Variants in GRAMD1B observed in about 807,000 individuals in gnomAD.
GRAMD1B encodes GRAM domain containing 1B.
GRAMD1B carries 37 observed loss-of-function variants against 99.7 expected under a neutral mutation model. The ratio of observed to expected loss-of-function variants is 0.37; its 90% CI spans 0.29 to 0.49. The LOEUF (loss-of-function observed/expected upper bound fraction) is 0.49, where lower values mean the gene tolerates loss of function less well. Among genes scored for constraint, GRAMD1B ranks in the 20% least tolerant of loss-of-function variants. GRAMD1B has a pLI of 0.98. For synonymous variants in GRAMD1B, 427 were observed against 387.6 expected (o/e 1.10, Z -1.19); for missense variants, 888 against 1,009.2 (o/e 0.88, Z 1.63).
chr11:123,409,411 G>A (rs982165801), intron 1 of GRAMD1B, among the ~76,000 whole-genome samples: 5 of 152,172 alleles, frequency 3.3e-5, no homozygotes, highest in Non-Finnish European at 7.3e-5. Context: ...CTGTGCCGCA[G>A]TCATCTCATC....
rs774671669 is a variant in GRAMD1B, at chr11:123,560,339, T to TGTAAGGC, written c.453-17026_453-17020dup. 2.7e-4 allele frequency: 310 copies of TGTAAGGC among 1,165,018 alleles called. 1 individual carries two copies. Among genetic ancestry groups the TGTAAGGC allele is most frequent in the Non-Finnish European group, 3.2e-4 (298 of 929,004 alleles). 72.2% of individuals were successfully genotyped at this position (1,165,018 alleles called of 1,614,324 possible). A position where few individuals can be genotyped will look rare whatever the true frequency, so the allele number is the denominator to read the frequency against. On this transcript the variant is annotated intron_variant, in intron 2 of 19. Transcript: ENST00000635736. ...CCAGGCAGAGAGAGAGAGGGACTTC[T>TGTAAGGC]GTAAGGCGGCACGACCACACCAAAT...
At chr11:123,365,326 A>G (rs891110855) in intron 1 of GRAMD1B, among the ~76,000 whole-genome samples, 1 of 151,330 alleles carries the variant, frequency 6.6e-6, no homozygotes, top group South Asian at 2.1e-4. Flanking sequence ...ATCTCAGCTC[A>G]CTGCAATTTC....
chr11:123,580,605 T>C (rs1265353610), intron 3 of GRAMD1B, among the ~76,000 whole-genome samples: 1 of 152,188 alleles, frequency 6.6e-6, no homozygotes, highest in African/African-American at 2.4e-5. Context: ...AGGTGATCGC[T>C]AAGGCCCGAC....
At chr11:123,363,635 C>T (rs142378853) in intron 1 of GRAMD1B, among the ~76,000 whole-genome samples, 26 of 151,674 alleles carry the variant, frequency 1.7e-4, no homozygotes, top group African/African-American at 5.1e-4. Flanking sequence ...CCTCATGGTT[C>T]AGTTCTCCTT....
At chr11:123,433,679 C>CGTGT (rs59262021) in intron 1 of GRAMD1B, among the ~76,000 whole-genome samples, 2,389 of 143,066 alleles carry the variant, frequency 0.017, 26 homozygotes, top group Middle Eastern at 0.05. Context: ...ATGTTACGTG[C>CGTGT]GTGTGTGTGT....
intron 1 of GRAMD1B, among the ~76,000 whole-genome samples, chr11:123,363,643 C>G (rs1251476061): frequency 6.6e-6 from 1 of 151,974 alleles, no homozygotes; most frequent in East Asian, 1.9e-4. Flanking sequence ...TTCAGTTCTC[C>G]TTGGAGATCT....
chr11:123,446,584 C>T (rs899460063), intron 1 of GRAMD1B, among the ~76,000 whole-genome samples: 5 of 152,202 alleles, frequency 3.3e-5, no homozygotes, highest in African/African-American at 1.2e-4. Context: ...GTTCTCAGAA[C>T]ACTGAAAATT....
intron 2 of GRAMD1B, among the ~76,000 whole-genome samples, chr11:123,560,999 C>T (rs1053682160): frequency 6.6e-6 from 1 of 152,116 alleles, no homozygotes; most frequent in Non-Finnish European, 1.5e-5. Context: ...TCTTTTCCCT[C>T]CCTAGCCTTT....
At chr11:123,525,873 A>C (rs1413170102) in intron 2 of GRAMD1B, 2 of 517,752 alleles carry the variant, frequency 3.9e-6, no homozygotes, top group African/African-American at 1.9e-5. Flanking sequence ...CGGCAGCCAC[A>C]GCTCGGGCAG....
At chr11:123,532,056 C>T (rs1435331575) in intron 2 of GRAMD1B, among the ~76,000 whole-genome samples, 1 of 152,084 alleles carries the variant, frequency 6.6e-6, no homozygotes, top group Admixed American at 6.6e-5. Context: ...ATTCTTAATG[C>T]TATTCTTTGG....
At chr11:123,476,108 C>CT (rs35617846) in intron 1 of GRAMD1B, among the ~76,000 whole-genome samples, 2,825 of 145,060 alleles carry the variant, frequency 0.019, 63 homozygotes, top group African/African-American at 0.058. Flanking sequence ...CATTTAACTT[C>CT]TTTTTTTTTT....
At chr11:123,391,301 C>T (rs1376760079) in intron 1 of GRAMD1B, among the ~76,000 whole-genome samples, 1 of 152,192 alleles carries the variant, frequency 6.6e-6, no homozygotes, top group East Asian at 1.9e-4. Context: ...TACTCTTTCT[C>T]TCACCATTAG....
intron 2 of GRAMD1B, among the ~76,000 whole-genome samples, chr11:123,496,107 A>G (rs1325302192): frequency 6.6e-6 from 1 of 152,184 alleles, no homozygotes; most frequent in Non-Finnish European, 1.5e-5. Flanking sequence ...CTTTCAGATT[A>G]AAGAACTCCC....
intron 1 of GRAMD1B, among the ~76,000 whole-genome samples, chr11:123,479,693 GT>G (rs1283911965): frequency 6.6e-6 from 1 of 152,096 alleles, no homozygotes; most frequent in Non-Finnish European, 1.5e-5. Context: ...TGGGCCTATG[GT>G]GCCCACAACT....
intron 2 of GRAMD1B, among the ~76,000 whole-genome samples, chr11:123,523,725 G>A (rs117111316): frequency 0.01 from 1,560 of 152,314 alleles, 12 homozygotes; most frequent in Non-Finnish European, 0.014. Context: ...CATTTGCCTC[G>A]GGGCTGGATC....
intron 1 of GRAMD1B, among the ~76,000 whole-genome samples, chr11:123,362,405 T>C (rs1180479134): frequency 6.6e-6 from 1 of 152,170 alleles, no homozygotes; most frequent in East Asian, 1.9e-4. Context: ...TTGGTGCAAC[T>C]CTGGATCTTC....
intron 2 of GRAMD1B, among the ~76,000 whole-genome samples, chr11:123,495,819 C>T (rs951939956): frequency 6.6e-6 from 1 of 151,950 alleles, no homozygotes; most frequent in African/African-American, 2.4e-5. Context: ...ACACTGATTG[C>T]ATAAACAAAC....
At chr11:123,621,886 T>TTCTTTCTTTTTC (rs1273975191) in intron 19 of GRAMD1B, among the ~76,000 whole-genome samples, 1,096 of 61,864 alleles carry the variant, frequency 0.018, 10 homozygotes, top group Non-Finnish European at 0.028. Flanking sequence ...TTCTTTTTCT[T>TTCTTTCTTTTTC]TCTTTCTTTC....
chr11:123,538,628 TA>T (rs1453968128), intron 2 of GRAMD1B, among the ~76,000 whole-genome samples: 3 of 151,594 alleles, frequency 2.0e-5, no homozygotes, highest in East Asian at 3.9e-4. Flanking sequence ...TATTTTATTT[TA>T]TTTTTTTTTG....
Sources: gnomAD v4.1 joint callset for allele counts (sites outside exome capture counted in the v4.1 genomes callset) on GRCh38, gnomAD v4.1.1 for gene constraint, MANE v1.5 for transcripts, NCBI Gene and HGNC (gene_info 2026-07-23, HGNC 2026-07-21) for gene names.